Variants in SLC25A13 observed in about 807,000 individuals in gnomAD.
SLC25A13 encodes electrogenic aspartate/glutamate antiporter SLC25A13, mitochondrial.
SLC25A13 carries 70 observed loss-of-function variants against 85.5 expected under a neutral mutation model. That is an observed-to-expected ratio of 0.82 (90% CI 0.68 to 1.00). The LOEUF (loss-of-function observed/expected upper bound fraction) is 1.00, where lower values mean the gene tolerates loss of function less well. SLC25A13 is among the 50% of genes least tolerant of loss of function. SLC25A13 has a pLI of 0.00. For missense variants in SLC25A13, 765 were observed against 819.8 expected, an observed-to-expected ratio of 0.93 and a Z score of 0.82; for synonymous variants, 259 against 288.7, an observed-to-expected ratio of 0.90 and a Z score of 1.04.
intron 4 of SLC25A13, chr7:96,219,716 A>T (rs1796032723): frequency 1.9e-6 from 1 of 534,544 alleles, no homozygotes; most frequent in Non-Finnish European, 3.8e-6. Flanking sequence ...AACATTCTAC[A>T]CTATTACAAT....
intron 4 of SLC25A13, among the ~76,000 whole-genome samples, chr7:96,211,631 A>G (rs12155198): frequency 6.6e-6 from 1 of 152,134 alleles, no homozygotes; most frequent in East Asian, 1.9e-4. Context: ...TGGCTGGCAC[A>G]GTGGTAGGCA....
At chr7:96,170,879 A>T (rs564417977) in intron 12 of SLC25A13, among the ~76,000 whole-genome samples, 11 of 152,206 alleles carry the variant, frequency 7.2e-5, no homozygotes, top group Non-Finnish European at 1.2e-4. Flanking sequence ...ACTGAATATC[A>T]ACCATCTGTC....
rs1261402979 is a variant in SLC25A13, at chr7:96,184,918, A to G, written c.1018+9T>C. On this transcript the variant is annotated intron_variant, in intron 10 of 17. Transcript: ENST00000265631. Reference sequence around the variant, plus strand: ...AAAAGTGAAAATTTTTCTCTCATCCATGACTAACCTCCAGCAACAGAACCC... The same window carrying G: ...AAAAGTGAAAATTTTTCTCTCATCCGTGACTAACCTCCAGCAACAGAACCC... 3 of 1,612,750 alleles carry G rather than the reference A, an allele frequency of 1.9e-6. No individual in the cohort carries two copies. The South Asian group carries it at 3.3e-5, about 18-fold the overall frequency.
intron 2 of SLC25A13, among the ~76,000 whole-genome samples, chr7:96,282,439 T>C (rs1321887154): frequency 1.3e-5 from 2 of 152,174 alleles, no homozygotes; most frequent in Non-Finnish European, 2.9e-5. Flanking sequence ...ATCCCCTACA[T>C]TGTTTTCCAA....
chr7:96,232,408 G>A (rs543050337), intron 4 of SLC25A13, among the ~76,000 whole-genome samples: 9 of 152,194 alleles, frequency 5.9e-5, no homozygotes, highest in African/African-American at 2.2e-4. Flanking sequence ...GACACAGAGA[G>A]GAATAATAGA....
chr7:96,160,040 C>T (rs1451932371), intron 13 of SLC25A13, among the ~76,000 whole-genome samples: 5 of 152,126 alleles, frequency 3.3e-5, no homozygotes, highest in Non-Finnish European at 7.4e-5. Context: ...TTGGGGTCTG[C>T]CTGTTATACA....
intron 4 of SLC25A13, among the ~76,000 whole-genome samples, chr7:96,218,273 C>T (rs1269076605): frequency 2.6e-5 from 4 of 152,172 alleles, no homozygotes; most frequent in Non-Finnish European, 5.9e-5. Context: ...AGCTCATATG[C>T]TAAAATTTTG....
Position 96,146,676 on chromosome 7 carries a change from A to C in SLC25A13, c.1332T>G (p.Ile444Met). 2 of 1,614,128 alleles carry C rather than the reference A, an allele frequency of 1.2e-6. No individual in the cohort carries two copies. The highest frequency in any genetic ancestry group is 1.7e-6 in the Non-Finnish European group (2 of 1,180,008). Reference protein sequence around the residue: ...AGGCAGGSQVIFTNPLEIVKI... With the variant: ...AGGCAGGSQVMFTNPLEIVKI... Reference sequence around the variant, plus strand: ...TGACGATTTCTAAAGGATTTGTGAAAATCACCTGGGAGCCTCCAGCCTAAA... The same window carrying C: ...TGACGATTTCTAAAGGATTTGTGAACATCACCTGGGAGCCTCCAGCCTAAA... The change falls in exon 14 of 18, where the codon ATT (isoleucine) becomes ATG (methionine). Residue 444 changes from isoleucine (I) to methionine (M), a missense_variant. By Grantham distance (10) the Ile-to-Met change is conservative (BLOSUM62 1). Transcript: ENST00000265631.
chr7:96,292,948 C>G (rs1043744142), intron 2 of SLC25A13, among the ~76,000 whole-genome samples: 1 of 152,094 alleles, frequency 6.6e-6, no homozygotes, highest in Non-Finnish European at 1.5e-5. Context: ...TCATATGGAA[C>G]CAAAAAAGAG....
rs551219297 is a variant in SLC25A13 at position 96,314,082 on chromosome 7, G to A, written c.15+7860C>T. ...TATCTTTGCTGGGAAGAAAGAAGAC[G>A]AAAGAAGAAAGAAGAAGGAAGGAGA... On this transcript the variant is annotated intron_variant, in intron 1 of 17. Coordinates refer to ENST00000265631, the MANE Select transcript of SLC25A13 (RefSeq NM_014251.3). 2.7e-3 allele frequency among the ~76,000 whole-genome samples: 413 copies of A among 151,998 alleles called. 3 individuals carry two copies. The highest frequency in any genetic ancestry group is 4.8e-3 in the Non-Finnish European group (323 of 67,966).
At chr7:96,193,537 A>C (rs903454104) in intron 5 of SLC25A13, among the ~76,000 whole-genome samples, 1 of 152,258 alleles carries the variant, frequency 6.6e-6, no homozygotes, top group Non-Finnish European at 1.5e-5. Flanking sequence ...AGATGATCTG[A>C]GGAAAAACAC....
At chr7:96,150,350 TA>T (rs1792984221) in intron 13 of SLC25A13, among the ~76,000 whole-genome samples, 1 of 152,140 alleles carries the variant, frequency 6.6e-6, no homozygotes, top group African/African-American at 2.4e-5. Context: ...GAATATTCAT[TA>T]AACATCTATT....
intron 3 of SLC25A13, among the ~76,000 whole-genome samples, chr7:96,251,129 T>G (rs1270201279): frequency 6.6e-6 from 1 of 151,870 alleles, no homozygotes; most frequent in Non-Finnish European, 1.5e-5. Context: ...GTGAGTGAGA[T>G]TCTTAGGGGA....
chr7:96,153,027 AG>A (rs1793109795), intron 13 of SLC25A13, among the ~76,000 whole-genome samples: 1 of 152,330 alleles, frequency 6.6e-6, no homozygotes, highest in South Asian at 2.1e-4. Context: ...GAAAATATCT[AG>A]GGGGAAGAGA....
intron 11 of SLC25A13, among the ~76,000 whole-genome samples, chr7:96,181,424 A>G (rs1044482353): frequency 5.9e-5 from 9 of 152,258 alleles, no homozygotes; most frequent in Non-Finnish European, 8.8e-5. Flanking sequence ...GTGGTGGAGC[A>G]CTACAAGAGT....
chr7:96,245,694 G>A (rs1005107515), intron 3 of SLC25A13, among the ~76,000 whole-genome samples: 3 of 152,072 alleles, frequency 2.0e-5, no homozygotes, highest in Admixed American at 6.5e-5. Flanking sequence ...CTTTTTAAAG[G>A]AAAAGTCTAC....
chr7:96,198,902 T>C (rs1191201656), intron 5 of SLC25A13, among the ~76,000 whole-genome samples: 3 of 152,150 alleles, frequency 2.0e-5, no homozygotes, highest in South Asian at 2.1e-4. Flanking sequence ...ATGAAAAACC[T>C]GGAATGAAGT....
chr7:96,193,095 A>T lies in SLC25A13; in HGVS notation c.557T>A (p.Ile186Asn). The change falls in exon 6 of 18, where the codon ATC (isoleucine) becomes AAC (asparagine). Residue 186 changes from isoleucine (I) to asparagine (N), a missense_variant. By Grantham distance (149) the Ile-to-Asn change is moderately radical. Coordinates refer to ENST00000265631, the MANE Select transcript of SLC25A13 (RefSeq NM_014251.3). ...GACATGGGGGCGGATGGTGACCATG[A>T]TGTCTCGGAAGTCGATGGCTGTGAC... ...GRVTAIDFRDIMVTIRPHVLT... is the reference protein window; with the variant it reads ...GRVTAIDFRDNMVTIRPHVLT... 2 of 1,614,120 alleles carry T rather than the reference A, an allele frequency of 1.2e-6. No homozygotes were observed. Among genetic ancestry groups the T allele is most frequent in the Non-Finnish European group, 1.7e-6 (2 of 1,180,010 alleles).
chr7:96,140,397 C>CTTTTTTT (rs59863233), intron 14 of SLC25A13, among the ~76,000 whole-genome samples: 4 of 88,140 alleles, frequency 4.5e-5, no homozygotes, highest in Non-Finnish European at 8.1e-5. Flanking sequence ...CAAGGATCTC[C>CTTTTTTT]TTTTTTTTTT....
Sources: allele counts gnomAD v4.1 joint callset (sites outside exome capture counted in the v4.1 genomes callset), GRCh38; gene constraint gnomAD v4.1.1; transcripts MANE v1.5; gene names NCBI Gene and HGNC (gene_info 2026-07-23, HGNC 2026-07-21).